Variants in FOXP1 observed in about 807,000 individuals in gnomAD.
FOXP1 encodes the protein forkhead box P1, also known as forkhead box protein P1.
FOXP1 carries 15 observed loss-of-function variants against 98.2 expected under a neutral mutation model. That is an observed-to-expected ratio of 0.15 (90% CI 0.10 to 0.24). The LOEUF (loss-of-function observed/expected upper bound fraction) is 0.24, where lower values mean the gene tolerates loss of function less well. Among genes scored for constraint, FOXP1 ranks in the 10% least tolerant of loss-of-function variants. The probability of loss-of-function intolerance (pLI) is 1.00; values close to 1 mark genes in which losing one functional copy is unlikely to be tolerated. For synonymous variants in FOXP1, 371 were observed against 314.5 expected (o/e 1.18, Z -1.90); for missense variants, 633 against 848.5 (o/e 0.75, Z 3.15).
At chr3:71,564,453 C>T (rs1463382284) in intron 2 of FOXP1, among the ~76,000 whole-genome samples, 1 of 152,188 alleles carries the variant, frequency 6.6e-6, no homozygotes, top group Non-Finnish European at 1.5e-5. Context: ...TCCTTTTAAA[C>T]CCACACAAAC....
At chr3:71,116,016 G>A (rs757415561) in intron 6 of FOXP1, among the ~76,000 whole-genome samples, 2 of 152,158 alleles carry the variant, frequency 1.3e-5, no homozygotes, top group South Asian at 2.1e-4. Context: ...GATTATAGGC[G>A]TGAGCCACCG....
intron 6 of FOXP1, among the ~76,000 whole-genome samples, chr3:71,118,255 C>T (rs1041993828): frequency 3.9e-5 from 6 of 152,324 alleles, no homozygotes; most frequent in Admixed American, 2.6e-4. Context: ...TCATTCTCAT[C>T]AGTGCCTTCA....
chr3:71,326,326 C>A (rs373868317), intron 4 of FOXP1, among the ~76,000 whole-genome samples: 19 of 152,164 alleles, frequency 1.2e-4, no homozygotes, highest in African/African-American at 4.1e-4. Flanking sequence ...CCAATGGGGA[C>A]TCAATGGGCA....
At chr3:71,029,783 T>C (rs931736492) in intron 11 of FOXP1, among the ~76,000 whole-genome samples, 10 of 152,216 alleles carry the variant, frequency 6.6e-5, no homozygotes, top group Non-Finnish European at 1.2e-4. Context: ...TGTCTGTTTC[T>C]ATGTTTGTTT....
At chr3:71,202,279 A>C (rs897482247) in intron 5 of FOXP1, among the ~76,000 whole-genome samples, 1 of 152,202 alleles carries the variant, frequency 6.6e-6, no homozygotes, top group Non-Finnish European at 1.5e-5. Flanking sequence ...GGATGTCCTT[A>C]ATTAGTCAAG....
chr3:71,188,644 C>T (rs576096751), intron 6 of FOXP1, among the ~76,000 whole-genome samples: 2 of 152,294 alleles, frequency 1.3e-5, no homozygotes, highest in East Asian at 3.9e-4. Flanking sequence ...TCTCGAACTC[C>T]TGACCTCAGG....
intron 5 of FOXP1, among the ~76,000 whole-genome samples, chr3:71,248,316 G>A (rs2067910631): frequency 6.8e-6 from 1 of 146,702 alleles, no homozygotes; most frequent in African/African-American, 2.4e-5. Context: ...AGGATCTCGT[G>A]TTTCCTATGT....
chr3:70,977,787 C>T, intron 15 of FOXP1, 41 bp downstream of exon 15: 1 of 1,607,310 alleles, frequency 6.2e-7, no homozygotes, highest in Non-Finnish European at 8.5e-7. Context: ...ACAAGAATTG[C>T]AGATTACAAC....
intron 6 of FOXP1, among the ~76,000 whole-genome samples, chr3:71,179,797 C>T (rs75988977): frequency 0.013 from 1,995 of 152,254 alleles, 46 homozygotes; most frequent in African/African-American, 0.044. Context: ...GGATTGCAAG[C>T]GATATAGCTT....
At chr3:71,314,530 A>AAC (rs146397821) in intron 4 of FOXP1, among the ~76,000 whole-genome samples, 3 of 143,370 alleles carry the variant, frequency 2.1e-5, no homozygotes, top group Non-Finnish European at 4.6e-5. Context: ...CCGTCTAAAA[A>AAC]ATATATATAT....
chr3:71,405,882 C>T (rs942258885), intron 3 of FOXP1, among the ~76,000 whole-genome samples: 1 of 151,992 alleles, frequency 6.6e-6, no homozygotes, highest in African/African-American at 2.4e-5. Flanking sequence ...GTGCCCGCCC[C>T]AACGCCCGGC....
chr3:71,353,012 G>T (rs1452556902), intron 4 of FOXP1, among the ~76,000 whole-genome samples: 1 of 152,138 alleles, frequency 6.6e-6, no homozygotes, highest in South Asian at 2.1e-4. Flanking sequence ...AATGACTGGG[G>T]ACAGATGTGG....
intron 3 of FOXP1, among the ~76,000 whole-genome samples, chr3:71,460,101 T>G (rs929217322): frequency 6.6e-6 from 1 of 151,286 alleles, no homozygotes; most frequent in Non-Finnish European, 1.5e-5. Context: ...GCACGGCTAA[T>G]TTTTTCTATT....
chr3:71,059,363 G>C (rs2051151932), intron 7 of FOXP1, among the ~76,000 whole-genome samples: 1 of 152,126 alleles, frequency 6.6e-6, no homozygotes, highest in African/African-American at 2.4e-5. Flanking sequence ...AGAGGTATTA[G>C]TGGAACATCA....
intron 6 of FOXP1, among the ~76,000 whole-genome samples, chr3:71,156,692 A>AT (rs1366064118): frequency 6.6e-6 from 1 of 152,238 alleles, no homozygotes; most frequent in Non-Finnish European, 1.5e-5. Context: ...ATGAGTGGTA[A>AT]TTCAACATCA....
chr3:71,408,075 T>G (rs1380060062), intron 3 of FOXP1, among the ~76,000 whole-genome samples: 1 of 152,102 alleles, frequency 6.6e-6, no homozygotes, highest in Non-Finnish European at 1.5e-5. Flanking sequence ...ACAACTACAT[T>G]AAAGTTATTC....
chr3:71,078,988 C>T (rs1411445703), intron 7 of FOXP1, among the ~76,000 whole-genome samples: 2 of 152,126 alleles, frequency 1.3e-5, no homozygotes, highest in African/African-American at 2.4e-5. Flanking sequence ...TATAACAACT[C>T]CCCCACTTCC....
chr3:71,409,449 T>C (rs1177977497), intron 3 of FOXP1, among the ~76,000 whole-genome samples: 3 of 152,146 alleles, frequency 2.0e-5, no homozygotes, highest in Admixed American at 6.5e-5. Flanking sequence ...TGAATGAATA[T>C]GCTAATACAA....
intron 5 of FOXP1, among the ~76,000 whole-genome samples, chr3:71,217,024 C>T (rs1257850271): frequency 6.6e-6 from 1 of 152,138 alleles, no homozygotes; most frequent in Non-Finnish European, 1.5e-5. Flanking sequence ...ACAGAGAACA[C>T]TTCTAAAAGA....
Sources: allele counts gnomAD v4.1 joint callset (sites outside exome capture counted in the v4.1 genomes callset), GRCh38; gene constraint gnomAD v4.1.1; transcripts MANE v1.5; gene names NCBI Gene and HGNC (gene_info 2026-07-23, HGNC 2026-07-21).